The following UBTD2 variants were observed in gnomAD, a reference collection of about 807,000 sequenced individuals.
The protein encoded by UBTD2 is ubiquitin domain-containing protein 2.
Under a neutral mutation model 19.8 loss-of-function variants are expected in UBTD2, and 9 were observed. The observed-to-expected ratio is 0.46, with a 90% CI of 0.27 to 0.79. UBTD2 has a LOEUF of 0.79. Ranked by LOEUF, UBTD2 falls within the 30% of genes least tolerant of loss-of-function variation. The pLI is 0.14. For missense variants in UBTD2, 250 were observed against 300.4 expected (o/e 0.83, Z 1.24); for synonymous variants, 98 against 103.9 (o/e 0.94, Z 0.35).
intron 1 of UBTD2, among the ~76,000 whole-genome samples, chr5:172,278,537 G>A (rs918773215): frequency 4.0e-5 from 6 of 150,102 alleles, no homozygotes; most frequent in East Asian, 3.9e-4. Flanking sequence ...AAAAAAAAGC[G>A]GTATATACAT....
intron 1 of UBTD2, among the ~76,000 whole-genome samples, chr5:172,271,433 G>GAA (rs10683593): frequency 0.015 from 1,842 of 124,588 alleles, 41 homozygotes; most frequent in African/African-American, 0.046. Flanking sequence ...CACCTCAAAA[G>GAA]AAAAAAAAAA....
At chr5:172,218,915 GAA>G (rs752780238) in intron 2 of UBTD2, among the ~76,000 whole-genome samples, 61 of 150,994 alleles carry the variant, frequency 4.0e-4, no homozygotes, top group Non-Finnish European at 3.8e-4. Context: ...GGCTAGCCAA[GAA>G]AAAAAGAGGA....
At chr5:172,271,024 T>C (rs1755477875) in intron 1 of UBTD2, among the ~76,000 whole-genome samples, 1 of 152,180 alleles carries the variant, frequency 6.6e-6, no homozygotes, top group African/African-American at 2.4e-5. Flanking sequence ...CTCTACAAGC[T>C]TCTTAGCAAT....
chr5:172,283,588 T>C lies in UBTD2; in HGVS notation c.70+8A>G. The C allele has an allele frequency of 1.5e-6, 2 of 1,305,494 alleles. No individual in the cohort carries two copies. Among genetic ancestry groups the C allele is most frequent in the Non-Finnish European group, 2.0e-6 (2 of 1,018,734 alleles). 80.9% of individuals were successfully genotyped at this position (1,305,494 alleles called of 1,614,324 possible). A position where few individuals can be genotyped will look rare whatever the true frequency, so the allele number is the denominator to read the frequency against. On this transcript the variant is annotated splice_region_variant and intron_variant, in intron 1 of 2. Coordinates refer to ENST00000393792, the MANE Select transcript of UBTD2 (RefSeq NM_152277.3). The surrounding 1 kb of genome is among the most constrained non-coding windows in gnomAD (Gnocchi z 4.3). ...GGGGGCCGAGGCTGCCCCCTGGCGC[T>C]CACCTACCTCCGGTGCCCTCCGAGT...
chr5:172,277,228 TCAGA>T (rs1236013509), intron 1 of UBTD2, among the ~76,000 whole-genome samples: 2 of 152,254 alleles, frequency 1.3e-5, no homozygotes, highest in Middle Eastern at 3.4e-3. Context: ...TTTCATCAGA[TCAGA>T]CAGAGGAAAT....
chr5:172,235,605 G>A (rs1189202298), intron 1 of UBTD2, among the ~76,000 whole-genome samples: 2 of 152,124 alleles, frequency 1.3e-5, no homozygotes, highest in African/African-American at 4.8e-5. Context: ...AAAACAGAGG[G>A]CAAGTGGCAG....
chr5:172,216,662 A>G lies in UBTD2; in HGVS notation c.308-4435T>C, dbSNP rs79350812. The stretch of plus-strand genomic sequence containing the variant: ...ACAGCTTACCCACAGAGGAGCAAAG[A>G]AAAGAATTAAATGGCTGGGCGCGGT... On this transcript the variant is annotated intron_variant, in intron 2 of 2. Transcript: ENST00000393792. Among the ~76,000 whole-genome samples the G allele has an allele frequency of 2.8e-3, 419 of 151,764 alleles. 13 individuals are homozygous for G. The East Asian group carries it at 0.071, about 26-fold the overall frequency.
At chr5:172,249,753 C>T (rs1314557738) in intron 1 of UBTD2, among the ~76,000 whole-genome samples, 3 of 152,202 alleles carry the variant, frequency 2.0e-5, no homozygotes, top group East Asian at 1.9e-4. Context: ...TGAGATTTTT[C>T]TCAAAACTGC....
chr5:172,284,106 C>G (rs1408368966), upstream of UBTD2: 7 of 150,918 alleles, frequency 4.6e-5, no homozygotes, highest in Admixed American at 6.6e-5. Flanking sequence ...TCGGCCCGGC[C>G]CGCCCGGAAT....
chr5:172,221,752 C>T (rs1472626474), intron 2 of UBTD2, among the ~76,000 whole-genome samples: 2 of 152,104 alleles, frequency 1.3e-5, no homozygotes, highest in Admixed American at 6.6e-5. Flanking sequence ...AGTGAAACTA[C>T]TCTGTATGAT....
rs1192878939 is a variant in UBTD2, at chr5:172,257,908, C to T, written c.71-23550G>A. Among the ~76,000 whole-genome samples the T allele has an allele frequency of 2.0e-5, 3 of 152,052 alleles. No homozygotes were observed. In the East Asian group the frequency reaches 5.8e-4, roughly 29 times the overall value. Reference sequence around the variant, plus strand: ...TTTCTTATCAATTCAGGGTTTTAGACCTTTGTTGGACATAGAGTTTACAAA... The same window carrying T: ...TTTCTTATCAATTCAGGGTTTTAGATCTTTGTTGGACATAGAGTTTACAAA... On this transcript the variant is annotated intron_variant, in intron 1 of 2. Transcript: ENST00000393792.
chr5:172,283,059 C>A lies in UBTD2; in HGVS notation c.70+537G>T, dbSNP rs1755751450. ...ATGCCTGCGGCCACTGGAGACTCCT[C>A]CAGCCGAGCTCCAGAAACTCGCAGG... On this transcript the variant is annotated intron_variant, in intron 1 of 2. Transcript: ENST00000393792. This position sits in a 1 kb window ranked among gnomAD's most constrained non-coding sequence, Gnocchi z 4.3. 6.6e-6 allele frequency among the ~76,000 whole-genome samples: 1 copy of A among 152,162 alleles called. No homozygotes were observed.
intron 1 of UBTD2, among the ~76,000 whole-genome samples, chr5:172,258,333 A>C (rs1487907899): frequency 1.3e-5 from 2 of 152,196 alleles, no homozygotes; most frequent in African/African-American, 4.8e-5. Context: ...TATGTAACTC[A>C]TTCCATTGTT....
intron 1 of UBTD2, among the ~76,000 whole-genome samples, chr5:172,268,672 C>A (rs569632459): frequency 6.6e-6 from 1 of 152,024 alleles, no homozygotes; most frequent in African/African-American, 2.4e-5. Flanking sequence ...TTGCTTGAAC[C>A]CAGGAGGCAA....
intron 2 of UBTD2, among the ~76,000 whole-genome samples, chr5:172,224,888 A>C (rs536275698): frequency 2.2e-4 from 33 of 152,356 alleles, no homozygotes; most frequent in African/African-American, 7.9e-4. Flanking sequence ...CTAAAAGTTG[A>C]CAATACAGGG....
intron 2 of UBTD2, among the ~76,000 whole-genome samples, chr5:172,218,798 TA>T (rs58608463): frequency 0.061 from 7,430 of 121,344 alleles, 641 homozygotes; most frequent in African/African-American, 0.2. Context: ...AATAAAAAAA[TA>T]AAAAAAAAAA....
At chr5:172,260,843 A>G (rs766357793) in intron 1 of UBTD2, among the ~76,000 whole-genome samples, 2 of 152,214 alleles carry the variant, frequency 1.3e-5, no homozygotes, top group Non-Finnish European at 2.9e-5. Flanking sequence ...ATGAGAATTT[A>G]AAGAGAATAT....
At position 172,215,719 on chromosome 5, in the gene UBTD2, G is replaced by C. The variant is rs1050107293; in HGVS notation, c.308-3492C>G. 2.6e-5 allele frequency among the ~76,000 whole-genome samples: 4 copies of C among 152,114 alleles called. No homozygotes were observed. In the East Asian group the frequency reaches 7.7e-4, roughly 29 times the overall value. On this transcript the variant is annotated intron_variant, in intron 2 of 2. Coordinates refer to ENST00000393792, the MANE Select transcript of UBTD2 (RefSeq NM_152277.3). The stretch of plus-strand genomic sequence containing the variant: ...GACAGCATGTAAGAAGAACAAATGG[G>C]AATGTAATAAGAGAGATGGAAATTC...
intron 2 of UBTD2, among the ~76,000 whole-genome samples, chr5:172,217,264 A>T (rs890136895): frequency 6.6e-6 from 1 of 151,606 alleles, no homozygotes; most frequent in African/African-American, 2.4e-5. Context: ...ATACAAAAAA[A>T]AAAAATTAGC....
Sources: gnomAD v4.1 joint callset for allele counts (sites outside exome capture counted in the v4.1 genomes callset) on GRCh38, gnomAD v4.1.1 for gene constraint, Gnocchi (gnomAD v3.1) non-coding constraint, MANE v1.5 for transcripts, NCBI Gene and HGNC (gene_info 2026-07-23, HGNC 2026-07-21) for gene names.